The following PDE12 variants were observed in gnomAD, a reference collection of about 807,000 sequenced individuals.
The protein encoded by PDE12 is 2',5'-phosphodiesterase 12.
Under a neutral mutation model 45.4 loss-of-function variants are expected in PDE12, and 26 were observed. The ratio of observed to expected loss-of-function variants is 0.57; its 90% confidence interval spans 0.42 to 0.79. The LOEUF (loss-of-function observed/expected upper bound fraction) is 0.79, where lower values mean the gene tolerates loss of function less well. PDE12 is among the 30% of genes least tolerant of loss of function. The pLI, the probability that PDE12 is intolerant of heterozygous loss-of-function variation, is 0.00. For synonymous variants in PDE12, 283 were observed against 323.9 expected (o/e 0.87, Z 1.36); for missense variants, 668 against 790.0 (o/e 0.85, Z 1.85).
chr3:57,599,710 T>G, the PDE12 span, among the ~76,000 whole-genome samples: 1 of 152,194 alleles, frequency 6.6e-6, no homozygotes, highest in Non-Finnish European at 1.5e-5. Flanking sequence ...AGGATGTTAA[T>G]GGCAGACTGT....
Position 57,557,354 on chromosome 3 carries a change from C to T in PDE12, c.975C>T (p.Ala325=), listed in dbSNP as rs1273068179. 9 of 1,613,952 alleles carry T rather than the reference C, an allele frequency of 5.6e-6. No homozygotes were observed. The highest frequency in any genetic ancestry group is 7.6e-6 in the Non-Finnish European group (9 of 1,180,022). ...TGTACCCATACTGTGCCCCCTACGC[C>T]CTGGAGCTCGACTACCGCCAGAACC... The part of the protein sequence containing the change: ...TVLYPYCAPY[A]LELDYRQNLI... Residue 325 remains alanine, a synonymous_variant, in exon 1 of 3, where the codon GCC becomes GCT. Coordinates refer to ENST00000311180, the MANE Select transcript of PDE12 (RefSeq NM_177966.7).
At chr3:57,604,410 T>G in the PDE12 span, among the ~76,000 whole-genome samples, 1 of 152,036 alleles carries the variant, frequency 6.6e-6, no homozygotes, top group Non-Finnish European at 1.5e-5. Flanking sequence ...TTCATGTATC[T>G]ATATGGTTCT....
At chr3:57,600,704 A>G in the PDE12 span, 1 of 152,088 alleles carries the variant, frequency 6.6e-6, no homozygotes, top group South Asian at 2.1e-4. Flanking sequence ...CACCGTGCCC[A>G]GACCCCAAAT....
At chr3:57,642,530 C>T in the PDE12 span, among the ~76,000 whole-genome samples, 3 of 151,936 alleles carry the variant, frequency 2.0e-5, no homozygotes, top group Admixed American at 6.6e-5. Context: ...TAGAACTACA[C>T]AGAGTTTAGC....
the PDE12 span, chr3:57,646,342 T>C: frequency 6.2e-7 from 1 of 1,613,440 alleles, no homozygotes; most frequent in South Asian, 1.1e-5. Flanking sequence ...CAGTCTCTGA[T>C]GATTCCGATG....
chr3:57,646,478 C>A, the PDE12 span: 14 of 1,558,394 alleles, frequency 9.0e-6, no homozygotes, highest in African/African-American at 1.5e-4. Flanking sequence ...TTTAATGTAG[C>A]CAATCCTGTT....
the PDE12 span, among the ~76,000 whole-genome samples, chr3:57,620,043 A>G: frequency 7.6e-4 from 116 of 151,812 alleles, no homozygotes; most frequent in African/African-American, 2.8e-3. Flanking sequence ...CCAAGATGGT[A>G]AAACCCCATT....
the PDE12 span, among the ~76,000 whole-genome samples, chr3:57,637,967 C>A: frequency 2.6e-5 from 4 of 151,868 alleles, no homozygotes; most frequent in East Asian, 7.8e-4. Flanking sequence ...AACCCCATCT[C>A]TACTAAAAAT....
the PDE12 span, chr3:57,646,413 T>A: frequency 6.2e-7 from 1 of 1,613,728 alleles, no homozygotes; most frequent in Admixed American, 1.7e-5. Flanking sequence ...AGCATCTGAC[T>A]ATGAAGGAAA....
chr3:57,646,371 CA>C, the PDE12 span: 42 of 1,614,056 alleles, frequency 2.6e-5, no homozygotes, highest in Non-Finnish European at 3.6e-5. Flanking sequence ...GCCATAACCA[CA>C]AGGGGCTCCC....
the PDE12 span, among the ~76,000 whole-genome samples, chr3:57,587,289 A>G: frequency 6.7e-6 from 1 of 149,032 alleles, no homozygotes; most frequent in Non-Finnish European, 1.5e-5. Flanking sequence ...ATTGCACTAC[A>G]GCCTGGACAA....
At chr3:57,574,076 G>A in the PDE12 span, among the ~76,000 whole-genome samples, 1 of 152,136 alleles carries the variant, frequency 6.6e-6, no homozygotes, top group South Asian at 2.1e-4. Flanking sequence ...AGAGTAGCTG[G>A]GCTTGCAGAT....
At chr3:57,577,242 A>C in the PDE12 span, 4 of 1,242,964 alleles carry the variant, frequency 3.2e-6, no homozygotes, top group African/African-American at 6.0e-5. Flanking sequence ...CATAGTCAAA[A>C]TGTACTAAAC....
chr3:57,582,854 T>C, the PDE12 span, among the ~76,000 whole-genome samples: 3 of 152,210 alleles, frequency 2.0e-5, no homozygotes, highest in African/African-American at 7.2e-5. Flanking sequence ...GAACAAACTC[T>C]CCCATCTTGG....
the PDE12 span, among the ~76,000 whole-genome samples, chr3:57,607,973 AG>A: frequency 6.6e-6 from 1 of 152,170 alleles, no homozygotes; most frequent in East Asian, 1.9e-4. Flanking sequence ...AAAAATATTA[AG>A]GGCAGCCAGA....
chr3:57,609,951 A>G, the PDE12 span, among the ~76,000 whole-genome samples: 1 of 152,186 alleles, frequency 6.6e-6, no homozygotes, highest in Admixed American at 6.5e-5. Context: ...TTTTAGACCA[A>G]TATCCCTGAT....
chr3:57,628,915 G>C, the PDE12 span: 2 of 1,586,232 alleles, frequency 1.3e-6, no homozygotes, highest in South Asian at 2.3e-5. Context: ...AAATCAGTAA[G>C]TTCTCAAAAT....
the PDE12 span, among the ~76,000 whole-genome samples, chr3:57,650,207 T>C: frequency 1.3e-5 from 2 of 151,874 alleles, no homozygotes; most frequent in South Asian, 2.1e-4. Context: ...CCTCGTGTGA[T>C]GGGTATATCA....
the PDE12 span, among the ~76,000 whole-genome samples, chr3:57,600,356 TC>T: frequency 6.6e-6 from 1 of 150,408 alleles, no homozygotes; most frequent in Non-Finnish European, 1.5e-5. Flanking sequence ...TCTTTTTCTT[TC>T]TTTCCTTTCT....
Sources: allele counts gnomAD v4.1 joint callset (sites outside exome capture counted in the v4.1 genomes callset), GRCh38; gene constraint gnomAD v4.1.1; transcripts MANE v1.5; gene names NCBI Gene and HGNC (gene_info 2026-07-23, HGNC 2026-07-21).